Variants in RSBN1 observed in about 807,000 individuals in gnomAD.
RSBN1 encodes the protein round spermatid basic protein 1, also known as lysine-specific demethylase 9.
RSBN1 carries 23 observed loss-of-function variants against 74.8 expected under a neutral mutation model. The observed-to-expected ratio is 0.31, with a 90% CI of 0.22 to 0.44. The LOEUF (loss-of-function observed/expected upper bound fraction) is 0.44, where lower values mean the gene tolerates loss of function less well. RSBN1 is among the 20% of genes least tolerant of loss of function. RSBN1 has a pLI of 1.00. For synonymous variants in RSBN1, 407 were observed against 379.6 expected (o/e 1.07, Z -0.84); for missense variants, 808 against 1,020.9 (o/e 0.79, Z 2.84).
At chr1:113,788,077 A>C (rs1377891328) in intron 2 of RSBN1, among the ~76,000 whole-genome samples, 1 of 152,182 alleles carries the variant, frequency 6.6e-6, no homozygotes, top group Non-Finnish European at 1.5e-5. Flanking sequence ...ATAGGAAGTT[A>C]TTAAAAAAGG....
At chr1:113,802,158 G>T (rs995907072) in intron 1 of RSBN1, among the ~76,000 whole-genome samples, 2 of 151,994 alleles carry the variant, frequency 1.3e-5, no homozygotes, top group African/African-American at 4.8e-5. Flanking sequence ...GTTTCACTAT[G>T]TTGGCCAGGC....
intron 2 of RSBN1, among the ~76,000 whole-genome samples, chr1:113,793,677 CT>C (rs10707246): frequency 0.43 from 63,198 of 146,430 alleles, 13,988 homozygotes; most frequent in East Asian, 0.83. Flanking sequence ...CCTAAGAGTT[CT>C]TTTTTTTTTT....
At chr1:113,779,901 G>A (rs1660104027) in intron 2 of RSBN1, among the ~76,000 whole-genome samples, 1 of 151,826 alleles carries the variant, frequency 6.6e-6, no homozygotes. Context: ...CATGCCTGTA[G>A]TCCCAGATAC....
At chr1:113,802,890 C>T (rs1025188014) in intron 1 of RSBN1, among the ~76,000 whole-genome samples, 1 of 152,138 alleles carries the variant, frequency 6.6e-6, no homozygotes. Context: ...TTCAGGTTCA[C>T]TCTTGTTGTA....
intron 2 of RSBN1, among the ~76,000 whole-genome samples, chr1:113,786,169 A>C (rs950327093): frequency 1.3e-5 from 2 of 152,232 alleles, no homozygotes; most frequent in African/African-American, 4.8e-5. Flanking sequence ...CAAAGATTGG[A>C]TATGATAGAT....
rs1457603089 is a variant in RSBN1 at position 113,763,828 on chromosome 1, G to A, written c.*2152C>T. 6.6e-6 allele frequency: 1 copy of A among 152,612 alleles called. No individual in the cohort carries two copies. 9.5% of individuals were successfully genotyped at this position (152,612 alleles called of 1,614,324 possible). A position where few individuals can be genotyped will look rare whatever the true frequency, so the allele number is the denominator to read the frequency against. On this transcript the variant is annotated 3_prime_UTR_variant, in exon 7 of 7. Coordinates refer to ENST00000261441, the MANE Select transcript of RSBN1 (RefSeq NM_018364.5). Reference sequence around the variant, plus strand: ...TGAGTGATAATACACAGTGCTGGCTGTCAGGAGACAGTCTCCTTGTTTATT... The same window carrying A: ...TGAGTGATAATACACAGTGCTGGCTATCAGGAGACAGTCTCCTTGTTTATT...
chr1:113,805,348 G>T (rs1312228612), intron 1 of RSBN1, among the ~76,000 whole-genome samples: 1 of 152,046 alleles, frequency 6.6e-6, no homozygotes, highest in Non-Finnish European at 1.5e-5. Context: ...CTTGGTCTGG[G>T]AATACAGGCA....
In RSBN1 at chr1:113,766,463, G is replaced by T. The variant is rs759400434; in HGVS notation, c.1936-10C>A. On this transcript the variant is annotated splice_polypyrimidine_tract_variant and intron_variant, in intron 6 of 6. Transcript: ENST00000261441. Reference sequence around the variant, plus strand: ...CTACCCACTGTACGCACTGAAGAAAGAAAAAAGTTACGTGAGACTTTAAAA... The same window carrying T: ...CTACCCACTGTACGCACTGAAGAAATAAAAAAGTTACGTGAGACTTTAAAA... 1 of 1,548,502 alleles carries T rather than the reference G, an allele frequency of 6.5e-7. No homozygotes were observed. The highest frequency in any genetic ancestry group is 1.9e-5 in the Admixed American group (1 of 52,272).
chr1:113,798,034 T>C lies in RSBN1; in HGVS notation c.706A>G (p.Thr236Ala). 2 of 1,595,304 alleles carry C rather than the reference T, an allele frequency of 1.3e-6. No individual in the cohort carries two copies. The highest frequency in any genetic ancestry group is 1.7e-6 in the Non-Finnish European group (2 of 1,174,268). ...TGGGTTTTACCATTTTCATCTGGTG[T>C]TTCTGGCCACAATAATTAAAAAGAA... ...VPLIKAPKRE[T>A]PDENGKTQRA... Residue 236 changes from threonine (T) to alanine (A), a missense_variant and splice_region_variant, in exon 2 of 7, where the codon ACA (threonine) becomes GCA (alanine). Thr to Ala is a moderately conservative substitution (Grantham distance 58). Around this residue, in one of 6 missense-constraint regions of RSBN1, gnomAD observed 464 missense variants for 401.0 expected, o/e 1.16. Coordinates refer to ENST00000261441, the MANE Select transcript of RSBN1 (RefSeq NM_018364.5).
chr1:113,798,067 G>C, intron 1 of RSBN1, 31 bp from the exon 2 acceptor site: 1 of 1,555,936 alleles, frequency 6.4e-7, no homozygotes. Flanking sequence ...GAAGTTAGTT[G>C]CTAGGACTAG....
At chr1:113,779,171 T>TGTTCATTAA (rs1660089170) in intron 2 of RSBN1, among the ~76,000 whole-genome samples, 1 of 152,176 alleles carries the variant, frequency 6.6e-6, no homozygotes, top group Non-Finnish European at 1.5e-5. Flanking sequence ...GGCTCTTTAA[T>TGTTCATTAA]GAACATTAAA....
At chr1:113,808,643 CA>C (rs1236008358) in intron 1 of RSBN1, among the ~76,000 whole-genome samples, 8 of 152,284 alleles carry the variant, frequency 5.3e-5, no homozygotes, top group Non-Finnish European at 1.0e-4. Flanking sequence ...TACCATGGAA[CA>C]CTATTCGGCA....
At chr1:113,766,962 C>T in intron 6 of RSBN1, 137 bp downstream of exon 6, 2 of 540,806 alleles carry the variant, frequency 3.7e-6, no homozygotes, top group South Asian at 2.7e-5. Flanking sequence ...TTCAGCACCA[C>T]CCCCACCCCA....
intron 1 of RSBN1, among the ~76,000 whole-genome samples, chr1:113,799,565 TACACACACACACACACACACACACAC>T (rs66958734): frequency 7.0e-6 from 1 of 142,090 alleles, no homozygotes; most frequent in East Asian, 2.2e-4. Flanking sequence ...ATAGATGCTT[TACACACACACACACACACACACACAC>T]ACACACACAC....
chr1:113,784,680 C>T (rs1660202680), intron 2 of RSBN1, among the ~76,000 whole-genome samples: 1 of 152,198 alleles, frequency 6.6e-6, no homozygotes, highest in South Asian at 2.1e-4. Context: ...GCTCAAGCAG[C>T]AATGCTATTA....
intron 4 of RSBN1, among the ~76,000 whole-genome samples, chr1:113,768,918 GAA>G (rs577417893): frequency 1.4e-5 from 2 of 146,588 alleles, no homozygotes; most frequent in African/African-American, 2.5e-5. Context: ...ACCTTTTTGT[GAA>G]AAAAAAAATA....
At chr1:113,801,581 T>C (rs554740205) in intron 1 of RSBN1, among the ~76,000 whole-genome samples, 1 of 152,366 alleles carries the variant, frequency 6.6e-6, no homozygotes, top group East Asian at 1.9e-4. Flanking sequence ...AACTTTTCTA[T>C]TTCTGGTTTT....
At chr1:113,784,431 C>T (rs138636268) in intron 2 of RSBN1, among the ~76,000 whole-genome samples, 5 of 152,252 alleles carry the variant, frequency 3.3e-5, no homozygotes, top group South Asian at 2.1e-4. Context: ...TACTGTAGTC[C>T]AGTGGTCCCC....
rs1375507454 is a variant in RSBN1 at position 113,764,029 on chromosome 1, A to G, written c.*1951T>C. 6.6e-6 allele frequency: 1 copy of G among 152,380 alleles called. No individual in the cohort carries two copies. The highest frequency in any genetic ancestry group is 2.4e-5 in the African/African-American group (1 of 41,460). The allele number at this position is 152,380 out of a possible 1,614,324, so 9.4% of individuals were successfully genotyped here. On this transcript the variant is annotated 3_prime_UTR_variant, in exon 7 of 7. Coordinates refer to ENST00000261441, the MANE Select transcript of RSBN1 (RefSeq NM_018364.5). Reference sequence around the variant, plus strand: ...GCCTGAGAAGAATTTTACTTTGCACAGCCTGGTAAAGCTCTTCTGGACAGA... The same window carrying G: ...GCCTGAGAAGAATTTTACTTTGCACGGCCTGGTAAAGCTCTTCTGGACAGA...
Sources: allele counts gnomAD v4.1 joint callset (sites outside exome capture counted in the v4.1 genomes callset), GRCh38; gene constraint gnomAD v4.1.1; regional missense constraint gnomAD v4.1.1; transcripts MANE v1.5; gene names NCBI Gene and HGNC (gene_info 2026-07-23, HGNC 2026-07-21).